Variants in DPY19L2 observed in about 807,000 individuals in gnomAD.
DPY19L2 encodes dpy-19 like 2, also known as probable C-mannosyltransferase DPY19L2.
In DPY19L2, 34 loss-of-function variants were observed where a neutral mutation model predicts 97.9. The observed-to-expected ratio is 0.35, with a 90% CI of 0.26 to 0.46. The LOEUF (loss-of-function observed/expected upper bound fraction) is 0.46, where lower values mean the gene tolerates loss of function less well. DPY19L2 is among the 20% of genes least tolerant of loss of function. DPY19L2 has a pLI of 1.00. For missense variants in DPY19L2, 623 were observed against 911.4 expected (o/e 0.68, Z 4.07); for synonymous variants, 230 against 307.9 (o/e 0.75, Z 2.65).
chr12:63,562,168 CATAT>C (rs1466685371), intron 21 of DPY19L2, among the ~76,000 whole-genome samples: 5 of 152,076 alleles, frequency 3.3e-5, no homozygotes, highest in African/African-American at 1.2e-4. Context: ...CACTTGGATA[CATAT>C]TAACATAGGT....
chr12:63,641,385 T>C (rs1386116724), intron 6 of DPY19L2, among the ~76,000 whole-genome samples: 2 of 152,078 alleles, frequency 1.3e-5, no homozygotes, highest in African/African-American at 2.4e-5. Context: ...GTAGTCGCCA[T>C]ATAATTAACT....
intron 14 of DPY19L2, among the ~76,000 whole-genome samples, 174 bp downstream of exon 14, chr12:63,597,635 C>T (rs1884462327): frequency 6.7e-6 from 1 of 148,678 alleles, no homozygotes. Context: ...TAGAGGCTAT[C>T]TTTTTTTTTT....
chr12:63,589,996 C>T (rs544137392), intron 16 of DPY19L2, among the ~76,000 whole-genome samples: 6 of 152,044 alleles, frequency 3.9e-5, no homozygotes, highest in South Asian at 2.1e-4. Flanking sequence ...AGTGTGATGA[C>T]GGGTGCCTGT....
chr12:63,605,013 G>T (rs1429003115), intron 12 of DPY19L2, among the ~76,000 whole-genome samples: 5 of 152,108 alleles, frequency 3.3e-5, no homozygotes, highest in Non-Finnish European at 7.4e-5. Context: ...TATCACGCAA[G>T]TCCTGGCCTA....
At chr12:63,599,179 A>T in intron 13 of DPY19L2, among the ~76,000 whole-genome samples, 1 of 57,130 alleles carries the variant, frequency 1.8e-5, no homozygotes, top group African/African-American at 1.5e-4. Context: ...TTCAAAAAAC[A>T]AAAAAAAAAA....
intron 20 of DPY19L2, 79 bp downstream of exon 20, chr12:63,570,679 G>A (rs532772375): frequency 2.7e-6 from 3 of 1,131,288 alleles, no homozygotes; most frequent in South Asian, 2.6e-5. Context: ...GTGTGTGTGT[G>A]TGTGTGTAAA....
At chr12:63,644,054 T>C in intron 6 of DPY19L2, among the ~76,000 whole-genome samples, 1 of 152,146 alleles carries the variant, frequency 6.6e-6, no homozygotes, top group African/African-American at 2.4e-5. Flanking sequence ...CTTTCTTAAT[T>C]TCATCCTTAG....
At chr12:63,638,337 T>C (rs570170398) in intron 6 of DPY19L2, among the ~76,000 whole-genome samples, 3 of 152,214 alleles carry the variant, frequency 2.0e-5, no homozygotes, top group East Asian at 1.9e-4. Flanking sequence ...CTTTTCAACA[T>C]AGTGTTGGAA....
rs531959945 is a variant in DPY19L2 at position 63,588,188 on chromosome 12, A to G, written c.1581-4352T>C. On this transcript the variant is annotated intron_variant, in intron 16 of 21. Transcript: ENST00000324472. Reference sequence around the variant, plus strand: ...AACCTTCATAAATATAAGGAATAAAACCAAAAGCTGGTTTTATGAAAAATC... The same window carrying G: ...AACCTTCATAAATATAAGGAATAAAGCCAAAAGCTGGTTTTATGAAAAATC... 2.6e-5 allele frequency among the ~76,000 whole-genome samples: 4 copies of G among 152,260 alleles called. No individual in the cohort carries two copies. The South Asian group carries it at 8.3e-4, about 32-fold the overall frequency.
In DPY19L2 at chr12:63,563,494, A is replaced by C. The variant is rs181110800; in HGVS notation, c.2127-2832T>G. ...AATTGTGTCAAATACTTTTTCCTGA[A>C]TGTACGAGACTATGATGCGCGATGA... is the stretch of plus-strand genomic sequence containing the variant. On this transcript the variant is annotated intron_variant, in intron 21 of 21. Transcript: ENST00000324472. Among the ~76,000 whole-genome samples the C allele has an allele frequency of 5.8e-3, 889 of 152,250 alleles. 9 individuals are homozygous for C. The highest frequency in any genetic ancestry group is 0.02 in the African/African-American group (838 of 41,538).
At chr12:63,568,950 CATAA>C (rs1164745264) in intron 21 of DPY19L2, among the ~76,000 whole-genome samples, 2 of 151,622 alleles carry the variant, frequency 1.3e-5, no homozygotes, top group Non-Finnish European at 2.9e-5. Flanking sequence ...TAAAAATTTT[CATAA>C]ATATTTCAAA....
chr12:63,637,903 A>C (rs1346662313), intron 6 of DPY19L2, among the ~76,000 whole-genome samples: 3 of 152,084 alleles, frequency 2.0e-5, no homozygotes, highest in East Asian at 3.9e-4. Context: ...GAGACACAAC[A>C]AAAAAAGAGA....
chr12:63,588,364 T>G (rs1210692770), intron 16 of DPY19L2, among the ~76,000 whole-genome samples: 1 of 152,298 alleles, frequency 6.6e-6, no homozygotes, highest in South Asian at 2.1e-4. Context: ...CAACAAAGCC[T>G]GGATGACAGC....
chr12:63,570,649 G>T (rs1592383692), intron 20 of DPY19L2, 109 bp downstream of exon 20: 1 of 38,458 alleles, frequency 2.6e-5, no homozygotes, highest in Non-Finnish European at 4.0e-5. Context: ...GGATGAGTTT[G>T]TGTGTGTGTG....
chr12:63,569,259 A>G lies in DPY19L2; in HGVS notation c.2091T>C (p.Tyr697=), dbSNP rs145607894. 8 of 1,601,938 alleles carry G rather than the reference A, an allele frequency of 5.0e-6. No homozygotes were observed. The highest frequency in any genetic ancestry group is 6.8e-6 in the Non-Finnish European group (8 of 1,175,630). ...DKLLELHVNY[Y]VLEEAWCVVR... is the part of the protein sequence containing the mutation. ...CAACACACCATGCCTCTTCTAAAACATAATAATTCACATGTAACTCCAACA... is the reference window on the plus strand; with the variant it reads ...CAACACACCATGCCTCTTCTAAAACGTAATAATTCACATGTAACTCCAACA... The change falls in exon 21 of 22, where the codon TAT becomes TAC. Residue 697 remains tyrosine, a synonymous_variant. Transcript: ENST00000324472.
At chr12:63,633,444 C>G (rs1468686520) in intron 6 of DPY19L2, among the ~76,000 whole-genome samples, 1 of 152,090 alleles carries the variant, frequency 6.6e-6, no homozygotes, top group East Asian at 1.9e-4. Flanking sequence ...ATTTATGCAG[C>G]CAATAGACAC....
intron 16 of DPY19L2, among the ~76,000 whole-genome samples, chr12:63,588,090 A>C (rs1882124527): frequency 6.6e-6 from 1 of 152,214 alleles, no homozygotes; most frequent in Non-Finnish European, 1.5e-5. Context: ...TAGACACAGA[A>C]AAACAACAAA....
chr12:63,632,989 T>C (rs113061014), intron 6 of DPY19L2, among the ~76,000 whole-genome samples: 1 of 152,084 alleles, frequency 6.6e-6, no homozygotes, highest in Non-Finnish European at 1.5e-5. Context: ...TAATAAATGA[T>C]GCTCGGAAAA....
intron 19 of DPY19L2, among the ~76,000 whole-genome samples, 154 bp downstream of exon 19, chr12:63,580,508 T>TCC (rs1245966981): frequency 3.3e-5 from 5 of 152,178 alleles, no homozygotes; most frequent in African/African-American, 9.7e-5. Flanking sequence ...ATTGCAATAG[T>TCC]CTGCTCAAAG....
Sources: gnomAD v4.1 joint callset for allele counts (sites outside exome capture counted in the v4.1 genomes callset) on GRCh38, gnomAD v4.1.1 for gene constraint, MANE v1.5 for transcripts, NCBI Gene and HGNC (gene_info 2026-07-23, HGNC 2026-07-21) for gene names.